The following SLC25A31 variants were observed in gnomAD, a reference collection of about 807,000 sequenced individuals.
SLC25A31 encodes ADP/ATP translocase 4.
In SLC25A31, 40 loss-of-function variants were observed where a neutral mutation model predicts 36.2. The ratio of observed to expected loss-of-function variants is 1.10; its 90% CI spans 0.86 to 1.44. SLC25A31 has a LOEUF of 1.44. Among genes scored for constraint, SLC25A31 ranks in the 40% most tolerant of loss-of-function variants. The pLI is 0.00. For missense variants in SLC25A31, 350 were observed against 397.1 expected (o/e 0.88, Z 1.01); for synonymous variants, 143 against 149.7 (o/e 0.96, Z 0.32).
rs187567826 is a variant in SLC25A31 at position 127,731,815 on chromosome 4, A to C, written c.232+1038A>C. Among the ~76,000 whole-genome samples the C allele has an allele frequency of 4.2e-3, 634 of 152,300 alleles. 6 individuals are homozygous for C. The highest frequency in any genetic ancestry group is 6.5e-3 in the Non-Finnish European group (442 of 68,026). Reference sequence around the variant, plus strand: ...ACTCCTAAAAACAGGAAAAAAAAAAAACTTTAAACTATTTTAATGCAATCT... The same window carrying C: ...ACTCCTAAAAACAGGAAAAAAAAAACACTTTAAACTATTTTAATGCAATCT... On this transcript the variant is annotated intron_variant, in intron 1 of 5. Transcript: ENST00000281154.
chr4:127,748,712 C>T (rs972406912), intron 2 of SLC25A31, among the ~76,000 whole-genome samples: 7 of 152,186 alleles, frequency 4.6e-5, no homozygotes, highest in African/African-American at 1.7e-4. Flanking sequence ...TGACTTGGAT[C>T]CAACCCCACT....
At chr4:127,768,404 T>G (rs894959612) in intron 4 of SLC25A31, among the ~76,000 whole-genome samples, 1 of 152,134 alleles carries the variant, frequency 6.6e-6, no homozygotes, top group Admixed American at 6.5e-5. Flanking sequence ...AAATATGTGT[T>G]GATGATAAAA....
At chr4:127,749,569 C>G (rs1731887349) in intron 2 of SLC25A31, among the ~76,000 whole-genome samples, 1 of 151,986 alleles carries the variant, frequency 6.6e-6, no homozygotes, top group African/African-American at 2.4e-5. Context: ...CGTGGTGAAA[C>G]TTTATCTCTA....
chr4:127,768,337 C>A (rs946986022), intron 4 of SLC25A31, among the ~76,000 whole-genome samples: 1 of 151,936 alleles, frequency 6.6e-6, no homozygotes, highest in Admixed American at 6.5e-5. Flanking sequence ...TTTGTTATCA[C>A]CTGCAGTAGT....
Position 127,764,364 on chromosome 4 carries a change from T to G in SLC25A31, c.478+4T>G. 6.2e-7 allele frequency: 1 copy of G among 1,601,082 alleles called. No homozygotes were observed. The highest frequency in any genetic ancestry group is 1.1e-5 in the South Asian group (1 of 89,690). On this transcript the variant is annotated splice_donor_region_variant and intron_variant, in intron 3 of 5. Transcript: ENST00000281154. ...TTAGGTGTCGATATTGGAAAAGGTA[T>G]GAGATTTTTAGAAATACTAACTTTT...
chr4:127,742,053 G>GT (rs1731742103), intron 1 of SLC25A31, among the ~76,000 whole-genome samples: 1 of 151,480 alleles, frequency 6.6e-6, no homozygotes, highest in Non-Finnish European at 1.5e-5. Flanking sequence ...TGTCAATTTT[G>GT]TTTATCTTCT....
intron 1 of SLC25A31, among the ~76,000 whole-genome samples, chr4:127,743,386 T>G (rs1417177369): frequency 1.3e-5 from 2 of 152,172 alleles, no homozygotes; most frequent in East Asian, 3.8e-4. Flanking sequence ...TCCTCCCAAT[T>G]TGGCTTCCCA....
intron 2 of SLC25A31, among the ~76,000 whole-genome samples, chr4:127,754,514 A>T (rs1326718734): frequency 6.8e-6 from 1 of 147,098 alleles, no homozygotes; most frequent in East Asian, 2.0e-4. Flanking sequence ...AACAAGAAAT[A>T]AGAATAACAT....
chr4:127,771,937 G>A (rs1224195707), intron 5 of SLC25A31, among the ~76,000 whole-genome samples: 1 of 152,208 alleles, frequency 6.6e-6, no homozygotes, highest in Admixed American at 6.5e-5. Context: ...GATAAACCCA[G>A]TTTGCAAGTA....
intron 5 of SLC25A31, among the ~76,000 whole-genome samples, chr4:127,771,792 C>T (rs1732367962): frequency 6.6e-6 from 1 of 152,160 alleles, no homozygotes; most frequent in Non-Finnish European, 1.5e-5. Flanking sequence ...TCCTGGATTA[C>T]AACAATTTTT....
intron 1 of SLC25A31, among the ~76,000 whole-genome samples, chr4:127,735,897 T>A (rs1453354726): frequency 3.8e-5 from 4 of 104,256 alleles, no homozygotes; most frequent in African/African-American, 6.9e-5. Flanking sequence ...TATTTATTTA[T>A]TTTTTTTTTT....
chr4:127,767,357 G>C, intron 4 of SLC25A31, 137 bp downstream of exon 4: 2 of 850,102 alleles, frequency 2.4e-6, no homozygotes, highest in Non-Finnish European at 3.3e-6. Context: ...ATGAAATTCT[G>C]CTTAATCATG....
chr4:127,733,120 A>G (rs1476886414), intron 1 of SLC25A31, among the ~76,000 whole-genome samples: 2 of 152,226 alleles, frequency 1.3e-5, no homozygotes, highest in Non-Finnish European at 2.9e-5. Context: ...TGATTTTAGT[A>G]TACACTGATT....
intron 2 of SLC25A31, 123 bp downstream of exon 2, chr4:127,744,922 G>T: frequency 1.4e-6 from 1 of 705,882 alleles, no homozygotes; most frequent in Non-Finnish European, 2.1e-6. Context: ...GGTTAGATTT[G>T]TCTTAACTGT....
At chr4:127,746,614 C>T (rs565427440) in intron 2 of SLC25A31, among the ~76,000 whole-genome samples, 4 of 152,104 alleles carry the variant, frequency 2.6e-5, no homozygotes, top group African/African-American at 9.6e-5. Context: ...GTCCTTTGCC[C>T]ACTTTTTAAT....
intron 2 of SLC25A31, among the ~76,000 whole-genome samples, chr4:127,756,159 A>T (rs895777507): frequency 6.6e-6 from 1 of 152,256 alleles, no homozygotes; most frequent in African/African-American, 2.4e-5. Flanking sequence ...TTATTGCAGC[A>T]TTATTCACAA....
Position 127,737,687 on chromosome 4 carries a change from G to A in SLC25A31, c.232+6910G>A, listed in dbSNP as rs147931661. On this transcript the variant is annotated intron_variant, in intron 1 of 5. Transcript: ENST00000281154. ...CCACCTCAGCCTCCTCAGTAGCAGGGAGCACAGGCACATGCCACCATGGCA... is the reference window on the plus strand; with the variant it reads ...CCACCTCAGCCTCCTCAGTAGCAGGAAGCACAGGCACATGCCACCATGGCA... Among the ~76,000 whole-genome samples, 194 of 152,170 alleles carry A rather than the reference G, an allele frequency of 1.3e-3. 1 individual carries two copies. The highest frequency in any genetic ancestry group is 2.3e-3 in the Non-Finnish European group (159 of 67,988).
rs1223311816 is a variant in SLC25A31, at chr4:127,764,335, C to G, written c.453C>G (p.Thr151=). The change falls in exon 3 of 6, where the codon ACC becomes ACG. Residue 151 remains threonine (T), a synonymous_variant. Transcript: ENST00000281154. ...CVVYPLDFAR[T]RLGVDIGKGP... ...TATATCCTCTAGATTTTGCCCGAAC[C>G]CGATTAGGTGTCGATATTGGAAAAG... The G allele has an allele frequency of 6.2e-7, 1 of 1,613,596 alleles. No homozygotes were observed. Among genetic ancestry groups the G allele is most frequent in the Non-Finnish European group, 8.5e-7 (1 of 1,179,742 alleles).
intron 5 of SLC25A31, among the ~76,000 whole-genome samples, chr4:127,772,329 A>G (rs1053362894): frequency 1.3e-5 from 2 of 152,162 alleles, no homozygotes; most frequent in African/African-American, 4.8e-5. Flanking sequence ...ATTTCTTATG[A>G]CTTAAAAATA....
Sources: allele counts gnomAD v4.1 joint callset (sites outside exome capture counted in the v4.1 genomes callset), GRCh38; gene constraint gnomAD v4.1.1; transcripts MANE v1.5; gene names NCBI Gene and HGNC (gene_info 2026-07-23, HGNC 2026-07-21).